The following SORCS3 variants were observed in gnomAD, a reference collection of about 807,000 sequenced individuals.
SORCS3 encodes sortilin related VPS10 domain containing receptor 3, also known as VPS10 domain-containing receptor SorCS3.
A neutral mutation model predicts 146.3 loss-of-function variants in SORCS3; 57 were observed. That is an observed-to-expected ratio of 0.39 (90% CI 0.31 to 0.49). SORCS3 has a LOEUF of 0.49. Among genes scored for constraint, SORCS3 ranks in the 20% least tolerant of loss-of-function variants. The pLI, the probability that SORCS3 is intolerant of heterozygous loss-of-function variation, is 0.92. For missense variants in SORCS3, 1,341 were observed against 1,575.5 expected, an observed-to-expected ratio of 0.85 and a Z score of 2.52; for synonymous variants, 653 against 618.5, an observed-to-expected ratio of 1.06 and a Z score of -0.83.
chr10:104,896,293 G>C (rs1445254019), intron 2 of SORCS3, among the ~76,000 whole-genome samples: 3 of 152,146 alleles, frequency 2.0e-5, no homozygotes, highest in African/African-American at 7.2e-5. Flanking sequence ...TCAGGGAATG[G>C]GAAGGATCCA....
At chr10:104,718,722 T>C (rs190163563) in intron 1 of SORCS3, among the ~76,000 whole-genome samples, 1 of 152,244 alleles carries the variant, frequency 6.6e-6, no homozygotes, top group East Asian at 1.9e-4. Context: ...GTAAAGACCA[T>C]AACAGAAGGA....
chr10:104,855,547 CTT>C (rs545770893), intron 2 of SORCS3, among the ~76,000 whole-genome samples: 202 of 152,184 alleles, frequency 1.3e-3, no homozygotes, highest in Non-Finnish European at 1.8e-3. Context: ...TAAGTGTACA[CTT>C]ATTTAAGTAT....
chr10:104,958,249 T>C (rs145862711), intron 3 of SORCS3, among the ~76,000 whole-genome samples: 1 of 152,240 alleles, frequency 6.6e-6, no homozygotes, highest in African/African-American at 2.4e-5. Context: ...TAATACTTAG[T>C]AATCAATTGT....
intron 9 of SORCS3, among the ~76,000 whole-genome samples, chr10:105,150,276 T>C (rs1429120686): frequency 6.6e-6 from 1 of 152,136 alleles, no homozygotes; most frequent in African/African-American, 2.4e-5. Context: ...GGAAGTGGGA[T>C]TGATAATGCT....
chr10:105,056,408 A>G (rs183289865), intron 5 of SORCS3, among the ~76,000 whole-genome samples: 4 of 152,322 alleles, frequency 2.6e-5, no homozygotes, highest in Non-Finnish European at 5.9e-5. Context: ...TTAGGAAAAA[A>G]AAGTTTGTGT....
At chr10:104,695,576 G>C (rs1468246730) in intron 1 of SORCS3, among the ~76,000 whole-genome samples, 1 of 151,872 alleles carries the variant, frequency 6.6e-6, no homozygotes, top group Non-Finnish European at 1.5e-5. Context: ...ATTCCTCAGA[G>C]GTAACCACCC....
At chr10:105,038,900 G>A (rs2055321849) in intron 4 of SORCS3, among the ~76,000 whole-genome samples, 2 of 152,010 alleles carry the variant, frequency 1.3e-5, no homozygotes, top group African/African-American at 4.8e-5. Flanking sequence ...AATCACAAAA[G>A]TAATATTTAT....
In SORCS3 at chr10:105,098,214, A is replaced by T. The variant is rs145305236; in HGVS notation, c.1094-7183A>T. On this transcript the variant is annotated intron_variant, in intron 6 of 26. Transcript: ENST00000369701. The stretch of plus-strand genomic sequence containing the variant: ...CTTTAAGACTTCAGAGGCCAAAACG[A>T]GGACAAAGTGGGGGCTAAAGGCAAT... Among the ~76,000 whole-genome samples the T allele has an allele frequency of 3.6e-3, 552 of 152,308 alleles. 1 individual carries two copies. The highest frequency in any genetic ancestry group is 0.014 in the Middle Eastern group (4 of 294).
At chr10:104,985,480 C>T (rs1029405162) in intron 4 of SORCS3, among the ~76,000 whole-genome samples, 1 of 152,154 alleles carries the variant, frequency 6.6e-6, no homozygotes, top group Non-Finnish European at 1.5e-5. Flanking sequence ...TTGGAATCAA[C>T]TTCTTTCAAG....
intron 2 of SORCS3, among the ~76,000 whole-genome samples, chr10:104,873,226 T>C (rs1252687462): frequency 6.6e-6 from 1 of 152,258 alleles, no homozygotes; most frequent in East Asian, 1.9e-4. Flanking sequence ...TGCAGAATGC[T>C]GAATTTCTTC....
At chr10:104,884,791 C>A (rs941912228) in intron 2 of SORCS3, among the ~76,000 whole-genome samples, 1 of 151,516 alleles carries the variant, frequency 6.6e-6, no homozygotes, top group Non-Finnish European at 1.5e-5. Flanking sequence ...GGTAGAAAAG[C>A]AGGTACCCAT....
chr10:105,074,317 T>A (rs1007698482), intron 5 of SORCS3, among the ~76,000 whole-genome samples: 1 of 152,194 alleles, frequency 6.6e-6, no homozygotes, highest in African/African-American at 2.4e-5. Context: ...GAGTCTCTAG[T>A]CTCTCATTGA....
intron 1 of SORCS3, among the ~76,000 whole-genome samples, chr10:104,745,391 T>C (rs945000067): frequency 3.9e-5 from 6 of 152,196 alleles, no homozygotes; most frequent in African/African-American, 9.7e-5. Context: ...AAGTATACTT[T>C]TGAAGAAACT....
intron 3 of SORCS3, among the ~76,000 whole-genome samples, chr10:104,945,684 A>G (rs554561767): frequency 6.6e-6 from 1 of 152,086 alleles, no homozygotes; most frequent in African/African-American, 2.4e-5. Context: ...CTTTAATGCA[A>G]GGTTTACTTT....
intron 1 of SORCS3, among the ~76,000 whole-genome samples, chr10:104,822,811 C>T (rs758576650): frequency 1.2e-4 from 18 of 152,210 alleles, no homozygotes; most frequent in East Asian, 3.9e-4. Context: ...CAATCTCTGG[C>T]GATTTTAATC....
intron 1 of SORCS3, among the ~76,000 whole-genome samples, chr10:104,735,371 C>A (rs1256646442): frequency 6.7e-6 from 1 of 149,964 alleles, no homozygotes; most frequent in African/African-American, 2.5e-5. Context: ...GCGTCCTCAG[C>A]TGTTCACTTT....
intron 23 of SORCS3, among the ~76,000 whole-genome samples, chr10:105,254,805 A>AG (rs1284452439): frequency 3.9e-5 from 6 of 152,156 alleles, no homozygotes; most frequent in East Asian, 3.9e-4. Flanking sequence ...CTAAAAAAAA[A>AG]AAGAAGTAGT....
At chr10:104,700,621 A>G (rs1176375688) in intron 1 of SORCS3, among the ~76,000 whole-genome samples, 1 of 149,754 alleles carries the variant, frequency 6.7e-6, no homozygotes, top group East Asian at 2.0e-4. Flanking sequence ...GAGTCGGGAG[A>G]GCAGTTTCCG....
chr10:104,802,678 A>G (rs2017637292), intron 1 of SORCS3, among the ~76,000 whole-genome samples: 1 of 152,228 alleles, frequency 6.6e-6, no homozygotes, highest in Non-Finnish European at 1.5e-5. Context: ...AATGAAACAT[A>G]AACAGAATTT....
Sources: allele counts gnomAD v4.1 joint callset (sites outside exome capture counted in the v4.1 genomes callset), GRCh38; gene constraint gnomAD v4.1.1; transcripts MANE v1.5; gene names NCBI Gene and HGNC (gene_info 2026-07-23, HGNC 2026-07-21).